FRMD1: variants seen among roughly 807,000 people sequenced by gnomAD.
The protein encoded by FRMD1 is FERM domain containing 1.
In FRMD1, 51 loss-of-function variants were observed where a neutral mutation model predicts 54.9. The observed-to-expected ratio is 0.93, with a 90% confidence interval of 0.74 to 1.17. The LOEUF is 1.17. Among genes scored for constraint, FRMD1 ranks in the 50% most tolerant of loss-of-function variants. The pLI, the probability that FRMD1 is intolerant of heterozygous loss-of-function variation, is 0.00. For synonymous variants in FRMD1, 324 were observed against 306.4 expected (o/e 1.06, Z -0.60); for missense variants, 729 against 743.0 (o/e 0.98, Z 0.22).
rs768440241 is a variant in FRMD1 at position 168,059,129 on chromosome 6, G to A, written c.1402C>T (p.His468Tyr). 66 of 1,573,404 alleles carry A rather than the reference G, an allele frequency of 4.2e-5. No homozygotes were observed. The highest frequency in any genetic ancestry group is 5.3e-5 in the Non-Finnish European group (62 of 1,163,890). Reference protein sequence around the residue: ...RTRGQSAEAVHQIQEMTAGVS... With the variant: ...RTRGQSAEAVYQIQEMTAGVS... Reference sequence around the variant, plus strand: ...GCCCGTGGGGGGGACTCTACCTGGTGCACGGCCTCGGCGCTCTGGCCTCTG... The same window carrying A: ...GCCCGTGGGGGGGACTCTACCTGGTACACGGCCTCGGCGCTCTGGCCTCTG... The change falls in exon 10 of 11, where the codon CAC becomes TAC. Residue 468 changes from histidine (H) to tyrosine (Y), a missense_variant. By Grantham distance (83) the His-to-Tyr change is moderately conservative. Coordinates refer to ENST00000283309, the MANE Select transcript of FRMD1 (RefSeq NM_024919.6). This position sits in a 1 kb window ranked among gnomAD's most constrained non-coding sequence, Gnocchi z 4.4.
chr6:168,087,643 A>G (rs574646144), intron 1 of FRMD1, among the ~76,000 whole-genome samples: 1 of 152,366 alleles, frequency 6.6e-6, no homozygotes, highest in Non-Finnish European at 1.5e-5. Context: ...GTGCGCTGGC[A>G]TGTGAGATGC....
At chr6:168,057,869 G>C (rs1363690341) in intron 10 of FRMD1, 1 of 181,580 alleles carries the variant, frequency 5.5e-6, no homozygotes, top group African/African-American at 2.4e-5. Flanking sequence ...GTGCTCCCAG[G>C]AGGCAGATGA....
rs979103634 is a variant in FRMD1, at chr6:168,061,035, G to T, written c.1068C>A (p.Ser356=). 2.5e-6 allele frequency: 4 copies of T among 1,611,676 alleles called. No homozygotes were observed. The highest frequency in any genetic ancestry group is 3.4e-6 in the Non-Finnish European group (4 of 1,179,088). ...EAEEKQHYRE[S]YISDELELDL... ...CCAGCTCCAGCTCATCGCTGATATA[G>T]GACTCCCGGTAGTGCTGCTTCTCTG... The change falls in exon 9 of 11, where the codon TCC becomes TCA. Residue 356 remains serine, a synonymous_variant. Coordinates refer to ENST00000283309, the MANE Select transcript of FRMD1 (RefSeq NM_024919.6).
At chr6:168,067,287 T>C in intron 3 of FRMD1, 80 bp downstream of exon 3, 1 of 898,446 alleles carries the variant, frequency 1.1e-6, no homozygotes, top group East Asian at 2.5e-5. Flanking sequence ...GTGCCTGCTC[T>C]CTCCCACCCC....
At chr6:168,087,251 T>G (rs561576398) in intron 1 of FRMD1, among the ~76,000 whole-genome samples, 2 of 152,100 alleles carry the variant, frequency 1.3e-5, no homozygotes, top group Non-Finnish European at 2.9e-5. Context: ...TATTTTTTGG[T>G]AGACACAGGG....
In FRMD1 at chr6:168,061,933, G is replaced by GC. The variant is rs1162704794; in HGVS notation, c.918dup (p.Leu307AlafsTer55). The GC allele has an allele frequency of 6.2e-7, 1 of 1,600,802 alleles. No individual in the cohort carries two copies. The highest frequency in any genetic ancestry group is 1.7e-5 in the Admixed American group (1 of 58,780). ...CAGGTGCACCCCGTGTAGTAAACCAGCTTCTGTGCTGCGGGCAGCCCATCC... is the reference window on the plus strand; with the variant it reads ...CAGGTGCACCCCGTGTAGTAAACCAGCCTTCTGTGCTGCGGGCAGCCCATCC... On this transcript the variant is annotated frameshift_variant, in exon 8 of 11. Coordinates refer to ENST00000283309, the MANE Select transcript of FRMD1 (RefSeq NM_024919.6). LOFTEE classifies it high-confidence loss of function.
At chr6:168,066,116 G>A in intron 4 of FRMD1, 1 of 991,412 alleles carries the variant, frequency 1.0e-6, no homozygotes. Context: ...AGCAAGCATA[G>A]CAGCCCTTAG....
At chr6:168,067,890 G>T (rs1418680247) in intron 2 of FRMD1, among the ~76,000 whole-genome samples, 1 of 151,814 alleles carries the variant, frequency 6.6e-6, no homozygotes, top group Non-Finnish European at 1.5e-5. Flanking sequence ...CAGGAGGATT[G>T]CTTGAGGCCA....
At chr6:168,060,026 G>A (rs561762956) in intron 9 of FRMD1, among the ~76,000 whole-genome samples, 2 of 141,768 alleles carry the variant, frequency 1.4e-5, no homozygotes, top group East Asian at 4.4e-4. Flanking sequence ...TAGGAGTGGG[G>A]GGCTTCCTAG....
chr6:168,059,955 C>A lies in FRMD1; in HGVS notation c.1343-767G>T, dbSNP rs908463975. 6.6e-6 allele frequency among the ~76,000 whole-genome samples: 1 copy of A among 151,906 alleles called. No homozygotes were observed. The highest frequency in any genetic ancestry group is 1.9e-4 in the East Asian group (1 of 5,174). On this transcript the variant is annotated intron_variant, in intron 9 of 10. Coordinates refer to ENST00000283309, the MANE Select transcript of FRMD1 (RefSeq NM_024919.6). This position sits in a 1 kb window ranked among gnomAD's most constrained non-coding sequence, Gnocchi z 4.4. Reference sequence around the variant, plus strand: ...GAGTATAAAAAGACATGAGTCTAACCCAGGCTTTCTGATGGGAGGGAAGCT... The same window carrying A: ...GAGTATAAAAAGACATGAGTCTAACACAGGCTTTCTGATGGGAGGGAAGCT...
At position 168,063,654 on chromosome 6, in the gene FRMD1, G is replaced by C. The variant is rs138871162; in HGVS notation, c.751C>G (p.Gln251Glu). The C allele has an allele frequency of 4.0e-5, 65 of 1,613,798 alleles. No homozygotes were observed. In the African/African-American group the frequency reaches 8.3e-4, roughly 21 times the overall value. Residue 251 changes from glutamine (Q) to glutamate (E), a missense_variant, in exon 6 of 11, where the codon CAG becomes GAG. Transcript: ENST00000283309. The part of the protein sequence containing the change: ...SPKEAMLCFI[Q>E]EACRLEDVPV... Reference sequence around the variant, plus strand: ...ACGTCCTCCAGCCGGCAGGCCTCCTGGATGAAGCACAGCATGGCCTCCTTG... The same window carrying C: ...ACGTCCTCCAGCCGGCAGGCCTCCTCGATGAAGCACAGCATGGCCTCCTTG...
rs1799336857 is a variant in FRMD1 at position 168,054,123 on chromosome 6, G to A, written c.*2974C>T. 1.3e-5 allele frequency: 2 copies of A among 152,378 alleles called. No homozygotes were observed. The highest frequency in any genetic ancestry group is 6.5e-5 in the Admixed American group (1 of 15,278). 9.4% of individuals were successfully genotyped at this position (152,378 alleles called of 1,614,324 possible). A position where few individuals can be genotyped will look rare whatever the true frequency, so the allele number is the denominator to read the frequency against. On this transcript the variant is annotated 3_prime_UTR_variant, in exon 11 of 11. Coordinates refer to ENST00000283309, the MANE Select transcript of FRMD1 (RefSeq NM_024919.6). ...TCCAGACCAACTGCCCCCAGGAGCA[G>A]GGTCTGCCGCCTCCCACACCCCACC...
chr6:168,068,807 T>C (rs2114989777), intron 2 of FRMD1, among the ~76,000 whole-genome samples: 1 of 152,344 alleles, frequency 6.6e-6, no homozygotes, highest in Admixed American at 6.5e-5. Flanking sequence ...CCCCAAGTGC[T>C]AGCACATCTG....
intron 2 of FRMD1, among the ~76,000 whole-genome samples, chr6:168,068,425 C>G (rs1237237110): frequency 6.6e-6 from 1 of 152,136 alleles, no homozygotes; most frequent in African/African-American, 2.4e-5. Flanking sequence ...CAGGACTCCC[C>G]TCGGATATCA....
At chr6:168,092,294 C>T (rs979385604) in intron 1 of FRMD1, among the ~76,000 whole-genome samples, 4 of 152,328 alleles carry the variant, frequency 2.6e-5, no homozygotes, top group Admixed American at 6.5e-5. Flanking sequence ...AAAATGTTCT[C>T]GATAAAGACT....
At position 168,054,298 on chromosome 6, in the gene FRMD1, T is replaced by G. The variant is rs1256050377; in HGVS notation, c.*2799A>C. On this transcript the variant is annotated 3_prime_UTR_variant, in exon 11 of 11. Coordinates refer to ENST00000283309, the MANE Select transcript of FRMD1 (RefSeq NM_024919.6). ...TGGGTCGTTCTTGCGAGTCTGGACC[T>G]GCCAGCTTGACCGCTGACCTGGCCC... is the stretch of plus-strand genomic sequence containing the variant. 4 of 152,282 alleles carry G rather than the reference T, an allele frequency of 2.6e-5. No homozygotes were observed. Among genetic ancestry groups the G allele is most frequent in the African/African-American group, 9.6e-5 (4 of 41,468 alleles). 9.4% of individuals were successfully genotyped at this position (152,282 alleles called of 1,614,324 possible).
chr6:168,074,410 C>T (rs1169268588), intron 2 of FRMD1, among the ~76,000 whole-genome samples: 1 of 151,858 alleles, frequency 6.6e-6, no homozygotes, highest in Non-Finnish European at 1.5e-5. Flanking sequence ...TGCGTAACTG[C>T]ATGTGTGTGG....
intron 2 of FRMD1, among the ~76,000 whole-genome samples, chr6:168,070,661 C>T (rs1002185966): frequency 1.3e-5 from 2 of 152,250 alleles, no homozygotes; most frequent in African/African-American, 2.4e-5. Flanking sequence ...CAGCTTCTCT[C>T]TTTCTCCCTC....
chr6:168,060,721 C>T (rs1448535403), intron 9 of FRMD1, 40 bp downstream of exon 9: 3 of 1,576,366 alleles, frequency 1.9e-6, no homozygotes, highest in Non-Finnish European at 2.6e-6. Context: ...CTGGACCACA[C>T]TCACTGTCCC....
Sources: allele counts gnomAD v4.1 joint callset (sites outside exome capture counted in the v4.1 genomes callset), GRCh38; gene constraint gnomAD v4.1.1; non-coding constraint Gnocchi (gnomAD v3.1); transcripts MANE v1.5; gene names NCBI Gene and HGNC (gene_info 2026-07-23, HGNC 2026-07-21).